CNTNAP2: variants seen among roughly 807,000 people sequenced by gnomAD.
CNTNAP2 encodes contactin associated protein 2, also known as contactin-associated protein-like 2.
In CNTNAP2, 98 loss-of-function variants were observed where a neutral mutation model predicts 155.2. The ratio of observed to expected loss-of-function variants is 0.63; its 90% CI spans 0.54 to 0.75. The LOEUF is 0.75. Among genes scored for constraint, CNTNAP2 ranks in the 30% least tolerant of loss-of-function variants. The probability of loss-of-function intolerance (pLI) is 0.00; values close to 1 mark genes in which losing one functional copy is unlikely to be tolerated. For synonymous variants in CNTNAP2, 651 were observed against 631.2 expected, an observed-to-expected ratio of 1.03 and a Z score of -0.47; for missense variants, 1,727 against 1,688.1, an observed-to-expected ratio of 1.02 and a Z score of -0.40.
At chr7:146,531,752 C>T (rs1370444492) in intron 1 of CNTNAP2, among the ~76,000 whole-genome samples, 2 of 152,026 alleles carry the variant, frequency 1.3e-5, no homozygotes, top group African/African-American at 4.8e-5. Context: ...ACCATGTTGG[C>T]CAGGCTGGTT....
intron 12 of CNTNAP2, among the ~76,000 whole-genome samples, chr7:147,584,201 A>G (rs1247375726): frequency 2.0e-5 from 3 of 152,222 alleles, no homozygotes; most frequent in Non-Finnish European, 4.4e-5. Context: ...TTTTTAAAAG[A>G]TTAGAAGAGC....
At chr7:147,771,217 T>C (rs1314610300) in intron 13 of CNTNAP2, among the ~76,000 whole-genome samples, 1 of 152,198 alleles carries the variant, frequency 6.6e-6, no homozygotes, top group African/African-American at 2.4e-5. Flanking sequence ...TGATGACAGA[T>C]TGATGTGAAA....
chr7:147,158,709 A>G (rs1801971419), intron 8 of CNTNAP2, among the ~76,000 whole-genome samples: 1 of 152,046 alleles, frequency 6.6e-6, no homozygotes, highest in Non-Finnish European at 1.5e-5. Flanking sequence ...CAAAACCTGA[A>G]TGATGGAGTT....
chr7:146,559,116 A>G (rs1238634644), intron 1 of CNTNAP2, among the ~76,000 whole-genome samples: 1 of 152,226 alleles, frequency 6.6e-6, no homozygotes, highest in Non-Finnish European at 1.5e-5. Context: ...GGATGACTAT[A>G]GTCAATAATA....
intron 3 of CNTNAP2, among the ~76,000 whole-genome samples, chr7:147,032,742 G>GGAAT (rs1347344695): frequency 6.6e-6 from 1 of 151,934 alleles, no homozygotes; most frequent in Non-Finnish European, 1.5e-5. Context: ...AAGGAAGGAA[G>GGAAT]TTGGAGAGAA....
At chr7:147,249,499 C>T (rs1306922009) in intron 8 of CNTNAP2, among the ~76,000 whole-genome samples, 5 of 148,462 alleles carry the variant, frequency 3.4e-5, no homozygotes, top group Non-Finnish European at 5.9e-5. Context: ...AGTGCTAACA[C>T]CTTTGAACAC....
At chr7:147,878,760 C>T (rs1187902235) in intron 13 of CNTNAP2, among the ~76,000 whole-genome samples, 1 of 152,148 alleles carries the variant, frequency 6.6e-6, no homozygotes, top group Non-Finnish European at 1.5e-5. Flanking sequence ...GAATATTCAA[C>T]ATGAGATAGT....
At chr7:147,329,144 CCA>C (rs992226036) in intron 9 of CNTNAP2, among the ~76,000 whole-genome samples, 9 of 150,736 alleles carry the variant, frequency 6.0e-5, no homozygotes, top group South Asian at 4.2e-4. Context: ...GAGCACCCCC[CCA>C]CACACACACA....
intron 1 of CNTNAP2, among the ~76,000 whole-genome samples, chr7:146,161,705 A>T (rs143323980): frequency 1.7e-3 from 264 of 152,290 alleles, no homozygotes; most frequent in African/African-American, 6.1e-3. Flanking sequence ...CATTGCCAAG[A>T]CAATCCTAAG....
chr7:146,225,663 T>C (rs1269173348), intron 1 of CNTNAP2, among the ~76,000 whole-genome samples: 1 of 152,196 alleles, frequency 6.6e-6, no homozygotes, highest in East Asian at 1.9e-4. Flanking sequence ...TGATGACAAC[T>C]GGTGGAATGT....
intron 15 of CNTNAP2, among the ~76,000 whole-genome samples, chr7:148,112,839 C>A (rs1157329348): frequency 6.7e-6 from 1 of 149,924 alleles, no homozygotes; most frequent in East Asian, 2.0e-4. Context: ...AGGTATAAAT[C>A]AATAAGTAGC....
intron 1 of CNTNAP2, among the ~76,000 whole-genome samples, chr7:146,559,492 C>A (rs566192105): frequency 6.6e-6 from 1 of 151,844 alleles, no homozygotes; most frequent in Non-Finnish European, 1.5e-5. Context: ...CACTTGAACC[C>A]GGGAGTGCGG....
intron 3 of CNTNAP2, among the ~76,000 whole-genome samples, chr7:147,006,967 G>A (rs1216285209): frequency 1.3e-5 from 2 of 152,078 alleles, no homozygotes; most frequent in Admixed American, 6.6e-5. Flanking sequence ...CTGACACTGG[G>A]GAACCCCCTT....
In CNTNAP2 at chr7:146,611,031, T is replaced by G. The variant is rs184469330; in HGVS notation, c.98-163240T>G. 4.1e-4 allele frequency among the ~76,000 whole-genome samples: 63 copies of G among 152,356 alleles called. 1 individual carries two copies. The highest frequency in any genetic ancestry group is 1.6e-3 in the Admixed American group (24 of 15,294). On this transcript the variant is annotated intron_variant, in intron 1 of 23. Transcript: ENST00000361727. ...TGGAAGCAGGATTACCAATAACATT[T>G]ATGATTTAATGATTTCAGGAAGCAT...
chr7:146,307,415 T>C (rs980955111), intron 1 of CNTNAP2, among the ~76,000 whole-genome samples: 8 of 152,166 alleles, frequency 5.3e-5, no homozygotes, highest in Non-Finnish European at 1.0e-4. Flanking sequence ...CAAGGTAATT[T>C]ATAGATTCAA....
rs1208172032 is a variant in CNTNAP2, at chr7:147,083,789, A to C, written c.551-24358A>C. Among the ~76,000 whole-genome samples the C allele has an allele frequency of 2.2e-5, 3 of 139,144 alleles. No individual in the cohort carries two copies. In the East Asian group the frequency reaches 6.2e-4, roughly 29 times the overall value. The allele number at this position is 139,144 out of a possible 152,430, so 91.3% of individuals were successfully genotyped here. ...GTATACACATATATGTATATATTAT[A>C]TATACATATACACATGTATGTACAT... is the stretch of plus-strand genomic sequence containing the variant. On this transcript the variant is annotated intron_variant, in intron 4 of 23. Transcript: ENST00000361727.
At chr7:148,238,027 G>A (rs1282723531) in intron 20 of CNTNAP2, among the ~76,000 whole-genome samples, 5 of 152,150 alleles carry the variant, frequency 3.3e-5, no homozygotes, top group Non-Finnish European at 1.5e-5. Flanking sequence ...GGTGCTATTA[G>A]TCCCATTATA....
At chr7:147,147,108 A>T (rs989731381) in intron 8 of CNTNAP2, among the ~76,000 whole-genome samples, 2 of 152,164 alleles carry the variant, frequency 1.3e-5, no homozygotes, top group African/African-American at 4.8e-5. Context: ...GGCAGAAGCG[A>T]AGGGGAAGCA....
At chr7:147,212,021 G>T (rs1261266040) in intron 8 of CNTNAP2, among the ~76,000 whole-genome samples, 2 of 152,074 alleles carry the variant, frequency 1.3e-5, no homozygotes, top group Non-Finnish European at 2.9e-5. Context: ...AATCATCAGA[G>T]AAATGCAAAT....
Sources: gnomAD v4.1 joint callset for allele counts (sites outside exome capture counted in the v4.1 genomes callset) on GRCh38, gnomAD v4.1.1 for gene constraint, MANE v1.5 for transcripts, NCBI Gene and HGNC (gene_info 2026-07-23, HGNC 2026-07-21) for gene names.